The following SGCZ variants were observed in gnomAD, a reference collection of about 807,000 sequenced individuals.
SGCZ encodes the protein sarcoglycan zeta, also known as zeta-sarcoglycan.
A neutral mutation model predicts 41.3 loss-of-function variants in SGCZ; 40 were observed. The ratio of observed to expected loss-of-function variants is 0.97; its 90% CI spans 0.75 to 1.26. The LOEUF is 1.26. SGCZ is among the 50% of genes most tolerant of loss of function. The pLI is 0.00. For synonymous variants in SGCZ, 206 were observed against 137.5 expected (o/e 1.50, Z -3.49); for missense variants, 552 against 369.8 (o/e 1.49, Z -4.04).
chr8:14,499,841 C>G (rs1296238329), intron 2 of SGCZ, among the ~76,000 whole-genome samples: 3 of 152,058 alleles, frequency 2.0e-5, no homozygotes, highest in Admixed American at 6.6e-5. Flanking sequence ...ATTGTATCCT[C>G]AAGAACAGCT....
intron 2 of SGCZ, among the ~76,000 whole-genome samples, chr8:14,549,336 C>T (rs1283216120): frequency 1.3e-5 from 2 of 151,942 alleles, no homozygotes; most frequent in Non-Finnish European, 1.5e-5. Flanking sequence ...GGGAAGCTAG[C>T]CACCCTAGAT....
At chr8:14,684,872 A>G (rs1032001123) in intron 1 of SGCZ, among the ~76,000 whole-genome samples, 1 of 152,094 alleles carries the variant, frequency 6.6e-6, no homozygotes, top group African/African-American at 2.4e-5. Context: ...ACATGTGTGG[A>G]GGAGGGAGGT....
intron 1 of SGCZ, among the ~76,000 whole-genome samples, chr8:14,612,090 C>A (rs1364487117): frequency 2.0e-5 from 3 of 152,202 alleles, no homozygotes; most frequent in East Asian, 3.9e-4. Flanking sequence ...GCTATGAAAA[C>A]GTATGTCTTT....
chr8:14,832,150 T>C (rs1249058485), intron 1 of SGCZ, among the ~76,000 whole-genome samples: 3 of 152,166 alleles, frequency 2.0e-5, no homozygotes, highest in African/African-American at 4.8e-5. Context: ...ATTTCCCTTT[T>C]TAAGGCATTT....
intron 1 of SGCZ, among the ~76,000 whole-genome samples, chr8:15,058,930 C>G (rs1804813602): frequency 6.6e-6 from 1 of 152,006 alleles, no homozygotes; most frequent in Admixed American, 6.6e-5. Flanking sequence ...TAATTAAAAC[C>G]AGGTGTTTTT....
At chr8:14,809,078 T>A (rs1285724968) in intron 1 of SGCZ, among the ~76,000 whole-genome samples, 1 of 137,256 alleles carries the variant, frequency 7.3e-6, no homozygotes, top group Non-Finnish European at 1.5e-5. Context: ...TGGGGACTGT[T>A]GTGGGGTGGG....
intron 1 of SGCZ, among the ~76,000 whole-genome samples, chr8:14,657,474 C>A (rs964595493): frequency 6.6e-6 from 1 of 151,954 alleles, no homozygotes; most frequent in African/African-American, 2.4e-5. Flanking sequence ...ATAATGAATA[C>A]TTACTAATCA....
intron 2 of SGCZ, among the ~76,000 whole-genome samples, chr8:14,519,476 T>C (rs1241028446): frequency 6.6e-6 from 1 of 152,136 alleles, no homozygotes; most frequent in Non-Finnish European, 1.5e-5. Flanking sequence ...TATAATGTCT[T>C]ATGAACATCA....
intron 1 of SGCZ, among the ~76,000 whole-genome samples, chr8:14,772,787 A>C (rs1585247856): frequency 6.6e-6 from 1 of 152,000 alleles, no homozygotes; most frequent in African/African-American, 2.4e-5. Flanking sequence ...ATAGTATTCC[A>C]TGGTGTATAT....
chr8:14,884,978 G>A (rs930374708), intron 1 of SGCZ, among the ~76,000 whole-genome samples: 10 of 151,898 alleles, frequency 6.6e-5, no homozygotes, highest in Non-Finnish European at 1.0e-4. Flanking sequence ...AGAAAAAATC[G>A]ACAGCATTCT....
Position 14,985,130 on chromosome 8 carries a change from G to A in SGCZ, c.39+252455C>T, listed in dbSNP as rs115563866. On this transcript the variant is annotated intron_variant, in intron 1 of 7. Transcript: ENST00000382080. ...GACATAAATATTCTTGAAGGATTTA[G>A]AGTTTGAAATGAATACATTTGGATG... Among the ~76,000 whole-genome samples, 650 of 152,280 alleles carry A rather than the reference G, an allele frequency of 4.3e-3. 7 individuals carry two copies. Among genetic ancestry groups the A allele is most frequent in the African/African-American group, 0.015 (624 of 41,562 alleles).
Position 15,019,807 on chromosome 8 carries a change from A to C in SGCZ, c.39+217778T>G, listed in dbSNP as rs116906022. 8.0e-3 allele frequency among the ~76,000 whole-genome samples: 1,199 copies of C among 150,266 alleles called. 15 individuals carry two copies. Among genetic ancestry groups the C allele is most frequent in the South Asian group, 0.04 (188 of 4,648 alleles). The stretch of plus-strand genomic sequence containing the variant: ...AGATCTCAGGATCATCTGGAGAAAT[A>C]CTGGGAAAGCAGCATATTTAGGAAA... On this transcript the variant is annotated intron_variant, in intron 1 of 7. Transcript: ENST00000382080.
chr8:14,149,492 A>G (rs1585179847), intron 5 of SGCZ, among the ~76,000 whole-genome samples: 1 of 152,090 alleles, frequency 6.6e-6, no homozygotes, highest in East Asian at 1.9e-4. Context: ...GATGGAAACT[A>G]TAAAACACTG....
chr8:14,578,746 G>C (rs1804793474), intron 1 of SGCZ, among the ~76,000 whole-genome samples: 2 of 152,034 alleles, frequency 1.3e-5, no homozygotes, highest in African/African-American at 4.8e-5. Flanking sequence ...AATAAAATTT[G>C]GATTCATTAG....
intron 1 of SGCZ, among the ~76,000 whole-genome samples, chr8:14,823,884 T>C (rs1205910360): frequency 6.6e-6 from 1 of 152,152 alleles, no homozygotes; most frequent in Admixed American, 6.5e-5. Flanking sequence ...GACAATGGTA[T>C]ATGATTCAGC....
At chr8:14,370,269 C>T (rs1217364447) in intron 2 of SGCZ, among the ~76,000 whole-genome samples, 1 of 151,984 alleles carries the variant, frequency 6.6e-6, no homozygotes, top group Non-Finnish European at 1.5e-5. Flanking sequence ...ACTTTCATCA[C>T]ATGGCTATTA....
chr8:14,681,347 G>A (rs1808440963), intron 1 of SGCZ, among the ~76,000 whole-genome samples: 1 of 152,102 alleles, frequency 6.6e-6, no homozygotes, highest in African/African-American at 2.4e-5. Context: ...ATTAAAGGGG[G>A]AAAAATGACA....
chr8:15,133,225 C>T (rs1233588072), intron 1 of SGCZ, among the ~76,000 whole-genome samples: 1 of 152,082 alleles, frequency 6.6e-6, no homozygotes, highest in Non-Finnish European at 1.5e-5. Context: ...TCATGATGTG[C>T]CTTTTACATT....
intron 3 of SGCZ, among the ~76,000 whole-genome samples, chr8:14,270,196 G>A (rs1474687314): frequency 6.6e-6 from 1 of 152,004 alleles, no homozygotes; most frequent in Non-Finnish European, 1.5e-5. Flanking sequence ...GCTGGTTGTG[G>A]TGACCCATGT....
Sources: allele counts gnomAD v4.1 joint callset (sites outside exome capture counted in the v4.1 genomes callset), GRCh38; gene constraint gnomAD v4.1.1; transcripts MANE v1.5; gene names NCBI Gene and HGNC (gene_info 2026-07-23, HGNC 2026-07-21).